NAV2: variants seen among roughly 807,000 people sequenced by gnomAD.
The protein encoded by NAV2 is helicase, APC down-regulated 1.
NAV2 carries 54 observed loss-of-function variants against 223.2 expected under a neutral mutation model. The observed-to-expected ratio is 0.24, with a 90% CI of 0.19 to 0.30. The LOEUF (loss-of-function observed/expected upper bound fraction) is 0.30. NAV2 is among the 10% of genes least tolerant of loss of function. The pLI, the probability that NAV2 is intolerant of heterozygous loss-of-function variation, is 1.00. For missense variants in NAV2, 2,806 were observed against 3,147.5 expected, an observed-to-expected ratio of 0.89 and a Z score of 2.60; for synonymous variants, 1,279 against 1,239.3, an observed-to-expected ratio of 1.03 and a Z score of -0.67.
chr11:19,409,939 GTGGGAAGAAGTGGGAGCCC>G (rs1850068548), intron 1 of NAV2, among the ~76,000 whole-genome samples: 2 of 152,190 alleles, frequency 1.3e-5, no homozygotes, highest in Admixed American at 1.3e-4. Context: ...TCAGGATTCA[GTGGGAAGAAGTGGGAGCCC>G]TGGCCCAACT....
chr11:19,458,035 G>T (rs1221350172), intron 1 of NAV2, among the ~76,000 whole-genome samples: 5 of 152,232 alleles, frequency 3.3e-5, no homozygotes, highest in Middle Eastern at 3.4e-3. Flanking sequence ...ACCCCCATCT[G>T]GTCCCCCTCC....
chr11:19,491,024 T>A (rs559409200), intron 1 of NAV2, among the ~76,000 whole-genome samples: 1 of 152,164 alleles, frequency 6.6e-6, no homozygotes, highest in South Asian at 2.1e-4. Context: ...TCGAAAAGAA[T>A]ATTTTTTTCT....
chr11:19,988,983 A>T (rs930366476), intron 11 of NAV2, among the ~76,000 whole-genome samples: 1 of 152,198 alleles, frequency 6.6e-6, no homozygotes. Flanking sequence ...ACCAGGTGGT[A>T]GGTCCCCAAC....
intron 1 of NAV2, among the ~76,000 whole-genome samples, chr11:19,701,871 A>G (rs1416633459): frequency 6.6e-6 from 1 of 152,356 alleles, no homozygotes; most frequent in East Asian, 1.9e-4. Context: ...TTATGGTCTC[A>G]AATCTTCACA....
intron 11 of NAV2, chr11:20,027,277 A>G: frequency 1.0e-6 from 1 of 985,212 alleles, no homozygotes; most frequent in Non-Finnish European, 1.2e-6. Context: ...TCACTCATCC[A>G]CACCAAAGGA....
chr11:19,428,544 G>A (rs77099097), intron 1 of NAV2, among the ~76,000 whole-genome samples: 11,391 of 152,278 alleles, frequency 0.075, 1,409 homozygotes, highest in African/African-American at 0.26. Flanking sequence ...ACCCGAGTTA[G>A]GATAAATGCA....
chr11:19,579,403 A>G (rs144277191), intron 1 of NAV2, among the ~76,000 whole-genome samples: 1,618 of 152,254 alleles, frequency 0.011, 32 homozygotes, highest in African/African-American at 0.036. Flanking sequence ...GTCTTCGTCT[A>G]TCTGCCCTTC....
intron 1 of NAV2, among the ~76,000 whole-genome samples, chr11:19,726,790 CATCTGT>C (rs2051292384): frequency 6.6e-6 from 1 of 152,200 alleles, no homozygotes; most frequent in Non-Finnish European, 1.5e-5. Context: ...GCTGAATCAA[CATCTGT>C]ATTTTAATAA....
chr11:19,880,319 G>A (rs1039279598), intron 5 of NAV2, among the ~76,000 whole-genome samples, 192 bp downstream of exon 5: 2 of 152,190 alleles, frequency 1.3e-5, no homozygotes. Context: ...TGGCAGAGAT[G>A]TATACTTTTA....
intron 1 of NAV2, among the ~76,000 whole-genome samples, chr11:19,368,509 C>T (rs1848365168): frequency 1.3e-5 from 2 of 152,146 alleles, no homozygotes; most frequent in African/African-American, 4.8e-5. Context: ...TACTGTGAGC[C>T]TCAGTTTTCT....
intron 10 of NAV2, among the ~76,000 whole-genome samples, chr11:19,965,451 C>T (rs758185475): frequency 5.0e-4 from 76 of 152,128 alleles, no homozygotes; most frequent in Non-Finnish European, 8.7e-4. Flanking sequence ...GTTCATGGAA[C>T]GCCAGTCACT....
intron 1 of NAV2, among the ~76,000 whole-genome samples, chr11:19,772,535 C>G (rs80062805): frequency 6.6e-6 from 1 of 152,172 alleles, no homozygotes; most frequent in Non-Finnish European, 1.5e-5. Flanking sequence ...GGTTTTCATG[C>G]GGCAGGCAAT....
intron 1 of NAV2, among the ~76,000 whole-genome samples, chr11:19,591,958 T>A (rs1222153097): frequency 1.3e-5 from 2 of 152,172 alleles, no homozygotes; most frequent in African/African-American, 4.8e-5. Context: ...GAGGCCACAA[T>A]GAGCAAAAGC....
At chr11:19,501,118 G>A (rs953921406) in intron 1 of NAV2, among the ~76,000 whole-genome samples, 13 of 152,052 alleles carry the variant, frequency 8.5e-5, no homozygotes, top group African/African-American at 3.1e-4. Flanking sequence ...GCCTCTCTCT[G>A]AACATTCATC....
intron 1 of NAV2, among the ~76,000 whole-genome samples, chr11:19,371,180 G>A (rs1247383881): frequency 6.6e-6 from 1 of 152,192 alleles, no homozygotes; most frequent in African/African-American, 2.4e-5. Flanking sequence ...CCCATGTTAA[G>A]AATTTTACAT....
chr11:19,448,067 C>T (rs1851651646), intron 1 of NAV2, among the ~76,000 whole-genome samples: 1 of 152,188 alleles, frequency 6.6e-6, no homozygotes, highest in African/African-American at 2.4e-5. Flanking sequence ...CCTCAAGGGA[C>T]ACACAATCTG....
At chr11:19,683,967 T>A (rs147763943) in intron 1 of NAV2, among the ~76,000 whole-genome samples, 365 of 152,322 alleles carry the variant, frequency 2.4e-3, no homozygotes, top group African/African-American at 8.3e-3. Flanking sequence ...GGACGATAAG[T>A]TTAGATGTAG....
chr11:19,992,241 A>G (rs2051409189), intron 11 of NAV2, among the ~76,000 whole-genome samples: 1 of 152,238 alleles, frequency 6.6e-6, no homozygotes, highest in African/African-American at 2.4e-5. Flanking sequence ...GGCCTTGCCC[A>G]AGAGGCTCTT....
chr11:19,577,248 G>A (rs969525297), intron 1 of NAV2, among the ~76,000 whole-genome samples: 24 of 152,364 alleles, frequency 1.6e-4, no homozygotes, highest in Admixed American at 1.0e-3. Context: ...GCTAACTGGC[G>A]AAAGCCAAAT....
Sources: gnomAD v4.1 joint callset for allele counts (sites outside exome capture counted in the v4.1 genomes callset) on GRCh38, gnomAD v4.1.1 for gene constraint, MANE v1.5 for transcripts, NCBI Gene and HGNC (gene_info 2026-07-23, HGNC 2026-07-21) for gene names.